RSPH6A: variants seen among roughly 807,000 people sequenced by gnomAD.
RSPH6A encodes the protein radial spoke head 6 homolog A.
Under a neutral mutation model 66.1 loss-of-function variants are expected in RSPH6A, and 49 were observed. The observed-to-expected ratio is 0.74, with a 90% CI of 0.59 to 0.94. The LOEUF (loss-of-function observed/expected upper bound fraction) is 0.94, where lower values mean the gene tolerates loss of function less well. RSPH6A is among the 40% of genes least tolerant of loss of function. The probability of loss-of-function intolerance (pLI) is 0.00; values close to 1 mark genes in which losing one functional copy is unlikely to be tolerated. For synonymous variants in RSPH6A, 419 were observed against 402.4 expected (o/e 1.04, Z -0.49); for missense variants, 977 against 948.3 (o/e 1.03, Z -0.40).
chr19:45,808,909 C>G (rs1277970297), intron 2 of RSPH6A, among the ~76,000 whole-genome samples: 3 of 151,420 alleles, frequency 2.0e-5, no homozygotes, highest in Non-Finnish European at 4.4e-5. Context: ...TCAGGTGATC[C>G]ACCTGCCTCG....
chr19:45,807,756 C>T (rs1170807190), intron 2 of RSPH6A, among the ~76,000 whole-genome samples: 1 of 152,142 alleles, frequency 6.6e-6, no homozygotes, highest in Non-Finnish European at 1.5e-5. Flanking sequence ...GGTGATCTGC[C>T]CGCTTTGGCC....
At chr19:45,810,145 ATTATTTTTATTTATTTAT>A (rs201059794) in intron 2 of RSPH6A, among the ~76,000 whole-genome samples, 8,378 of 151,944 alleles carry the variant, frequency 0.055, 284 homozygotes, top group South Asian at 0.085. Flanking sequence ...CCCCATCTCA[ATTATTTTTATTTATTTAT>A]TTATTTTTAT....
intron 1 of RSPH6A, among the ~76,000 whole-genome samples, chr19:45,814,153 T>C (rs1350718536): frequency 6.6e-6 from 1 of 151,824 alleles, no homozygotes; most frequent in Non-Finnish European, 1.5e-5. Context: ...GGTGAGACTA[T>C]GTCTGGGGGA....
chr19:45,802,397 A>G lies in RSPH6A; in HGVS notation c.1654-133T>C, dbSNP rs575493512. On this transcript the variant is annotated intron_variant, in intron 3 of 5. Transcript: ENST00000221538. Reference sequence around the variant, plus strand: ...AGGCACAGGCAAGAGGGCAAGATTTAGCCGCACAGCTAAGGGGAGGTGGGA... The same window carrying G: ...AGGCACAGGCAAGAGGGCAAGATTTGGCCGCACAGCTAAGGGGAGGTGGGA... The G allele has an allele frequency of 1.4e-4, 95 of 673,964 alleles. No homozygotes were observed. The African/African-American group carries it at 1.7e-3, about 12-fold the overall frequency. 41.7% of individuals were successfully genotyped at this position (673,964 alleles called of 1,614,324 possible). A position where few individuals can be genotyped will look rare whatever the true frequency, so the allele number is the denominator to read the frequency against.
Position 45,804,942 on chromosome 19 carries a change from G to C in RSPH6A, c.963C>G (p.Asp321Glu), listed in dbSNP as rs114127736. The C allele has an allele frequency of 3.1e-6, 5 of 1,614,172 alleles. No homozygotes were observed. In the South Asian group the frequency reaches 4.4e-5, roughly 14 times the overall value. Residue 321 changes from aspartate (D) to glutamate (E), a missense_variant, in exon 3 of 6, where the codon GAC becomes GAG. Asp to Glu is a conservative substitution (Grantham distance 45). Transcript: ENST00000221538. This position sits in a 1 kb window ranked among gnomAD's most constrained non-coding sequence, Gnocchi z 5.8. ...FEQAGVGLSSDESFRIFLAMK... is the reference protein window; with the variant it reads ...FEQAGVGLSSEESFRIFLAMK... ...TGGCCAGGAAAATGCGGAAGCTCTC[G>C]TCCGAGCTCAGGCCGACGCCGGCCT...
chr19:45,797,251 G>C (rs1398798317), intron 5 of RSPH6A, among the ~76,000 whole-genome samples: 2 of 151,570 alleles, frequency 1.3e-5, no homozygotes, highest in Non-Finnish European at 2.9e-5. Flanking sequence ...GTGGTGGCAG[G>C]CGCCTGTAGT....
In RSPH6A at chr19:45,815,170, C is replaced by T; in HGVS notation, c.7G>A (p.Asp3Asn). The T allele has an allele frequency of 6.2e-7, 1 of 1,601,078 alleles. No homozygotes were observed. Among genetic ancestry groups the T allele is most frequent in the Non-Finnish European group, 8.5e-7 (1 of 1,176,800 alleles). The change falls in exon 1 of 6, where the codon GAC becomes AAC. Residue 3 changes from aspartate (D) to asparagine (N), a missense_variant. Transcript: ENST00000221538. MG[D>N]LPPYPERPAQ... ...GGGCGCTCAGGGTAGGGCGGCAGGT[C>T]TCCCATGGTTCGCCAGGAGGCACAG... is the stretch of plus-strand genomic sequence containing the variant.
At position 45,810,638 on chromosome 19, in the gene RSPH6A, C is replaced by G; in HGVS notation, c.853G>C (p.Gly285Arg). ...TCCATCTCCTGTTCGCCTTCAGTGC[C>G]GCCTCCACTCCGGGTGAACAGCGCC... ...QKALFTRSGGGTEGEQEMEEE... is the reference protein window; with the variant it reads ...QKALFTRSGGRTEGEQEMEEE... The change falls in exon 2 of 6, where the codon GGC becomes CGC. Residue 285 changes from glycine (G) to arginine (R), a missense_variant. Coordinates refer to ENST00000221538, the MANE Select transcript of RSPH6A (RefSeq NM_030785.4). 2 of 1,614,100 alleles carry G rather than the reference C, an allele frequency of 1.2e-6. No individual in the cohort carries two copies.
In RSPH6A at chr19:45,805,010, T is replaced by C; in HGVS notation, c.895A>G (p.Thr299Ala). 1 of 1,608,404 alleles carries C rather than the reference T, an allele frequency of 6.2e-7. No homozygotes were observed. Residue 299 changes from threonine (T) to alanine (A), a missense_variant, in exon 3 of 6, where the codon ACA (threonine) becomes GCA (alanine). By Grantham distance (58) the Thr-to-Ala change is moderately conservative (BLOSUM62 0). Transcript: ENST00000221538. ...GTCTCCATGATGTTGGGCACTGGTG[T>C]CTCCCCCTGCGCAGGGTAGGGTGGA... ...EQEMEEEVGE[T>A]PVPNIMETAF... is the part of the protein sequence containing the mutation.
At chr19:45,803,025 G>A (rs373220289) in intron 3 of RSPH6A, among the ~76,000 whole-genome samples, 75 of 150,802 alleles carry the variant, frequency 5.0e-4, no homozygotes, top group African/African-American at 1.8e-3. Flanking sequence ...TGGCTAACAC[G>A]GTGAAACCCC....
At chr19:45,807,549 T>A (rs12984785) in intron 2 of RSPH6A, among the ~76,000 whole-genome samples, 27 of 140,016 alleles carry the variant, frequency 1.9e-4, no homozygotes, top group East Asian at 6.3e-4. Flanking sequence ...CTCGCTCTGT[T>A]GCCCAGGCTG....
At chr19:45,803,386 GA>G (rs996426725) in intron 3 of RSPH6A, among the ~76,000 whole-genome samples, 6 of 148,042 alleles carry the variant, frequency 4.1e-5, no homozygotes, top group South Asian at 2.2e-4. Flanking sequence ...TGTCTTAAAA[GA>G]AAAAAAAAGC....
chr19:45,813,150 C>T (rs1310659860), intron 1 of RSPH6A, among the ~76,000 whole-genome samples: 1 of 152,082 alleles, frequency 6.6e-6, no homozygotes, highest in Non-Finnish European at 1.5e-5. Flanking sequence ...CTCCCGCTCT[C>T]CCTCTTCCTC....
chr19:45,810,474 C>A, intron 2 of RSPH6A, 129 bp downstream of exon 2: 1 of 888,450 alleles, frequency 1.1e-6, no homozygotes, highest in East Asian at 2.4e-5. Context: ...CCTGCCAAGA[C>A]TGAAGTTGTT....
At chr19:45,807,527 T>C (rs1380881134) in intron 2 of RSPH6A, among the ~76,000 whole-genome samples, 3 of 151,180 alleles carry the variant, frequency 2.0e-5, no homozygotes, top group African/African-American at 7.3e-5. Context: ...TTACTATTTT[T>C]TGAGACGGAG....
chr19:45,801,107 CTT>C (rs1345409589), intron 4 of RSPH6A, among the ~76,000 whole-genome samples: 5 of 152,102 alleles, frequency 3.3e-5, no homozygotes, highest in Non-Finnish European at 7.4e-5. Flanking sequence ...CTGGACCACT[CTT>C]TCTCTATGTG....
Position 45,804,642 on chromosome 19 carries a change from T to C in RSPH6A, c.1263A>G (p.Ser421=), listed in dbSNP as rs368398140. ...PPVIPKEESR[S]GANKYLYFVC... ...CAAAGTACAGGTACTTGTTGGCGCC[T>C]GAGCGGCTCTCCTCCTTGGGGATCA... Residue 421 remains serine (S), a synonymous_variant, in exon 3 of 6, where the codon TCA becomes TCG. Transcript: ENST00000221538. This position sits in a 1 kb window ranked among gnomAD's most constrained non-coding sequence, Gnocchi z 5.8. The C allele has an allele frequency of 1.2e-6, 2 of 1,614,016 alleles. No homozygotes were observed. Among genetic ancestry groups the C allele is most frequent in the Non-Finnish European group, 1.7e-6 (2 of 1,180,038 alleles).
chr19:45,807,808 A>G (rs1160172010), intron 2 of RSPH6A, among the ~76,000 whole-genome samples: 1 of 152,044 alleles, frequency 6.6e-6, no homozygotes, highest in Non-Finnish European at 1.5e-5. Context: ...ACTGCACCCA[A>G]CCAGTGATGG....
Position 45,804,911 on chromosome 19 carries a change from G to A in RSPH6A, c.994C>T (p.Gln332Ter). ...TGGATGGGCTGCTGCTCCACCAGCTGTTTCATGGCCAGGAAAATGCGGAAG... is the reference window on the plus strand; with the variant it reads ...TGGATGGGCTGCTGCTCCACCAGCTATTTCATGGCCAGGAAAATGCGGAAG... ...ESFRIFLAMK[Q>*]LVEQQPIHTC... Residue 332 changes from glutamine to a stop codon, truncating the protein, a stop_gained, in exon 3 of 6, where the codon CAG becomes TAG. Coordinates refer to ENST00000221538, the MANE Select transcript of RSPH6A (RefSeq NM_030785.4). LOFTEE classifies it high-confidence loss of function. The surrounding 1 kb of genome is among the most constrained non-coding windows in gnomAD (Gnocchi z 5.8). The A allele has an allele frequency of 6.2e-7, 1 of 1,614,250 alleles. No homozygotes were observed. Among genetic ancestry groups the A allele is most frequent in the Non-Finnish European group, 8.5e-7 (1 of 1,180,048 alleles).
Sources: allele counts gnomAD v4.1 joint callset (sites outside exome capture counted in the v4.1 genomes callset), GRCh38; gene constraint gnomAD v4.1.1; non-coding constraint Gnocchi (gnomAD v3.1); transcripts MANE v1.5; gene names NCBI Gene and HGNC (gene_info 2026-07-23, HGNC 2026-07-21).